The following ZC3H13 variants were observed in gnomAD, a reference collection of about 807,000 sequenced individuals.
ZC3H13 encodes zinc finger CCCH domain-containing protein 13.
Under a neutral mutation model 204.1 loss-of-function variants are expected in ZC3H13, and 64 were observed. The observed-to-expected ratio is 0.31, with a 90% CI of 0.26 to 0.39. ZC3H13 has a LOEUF of 0.39. Among genes scored for constraint, ZC3H13 ranks in the 10% least tolerant of loss-of-function variants. The pLI, the probability that ZC3H13 is intolerant of heterozygous loss-of-function variation, is 1.00. For synonymous variants in ZC3H13, 667 were observed against 693.7 expected, an observed-to-expected ratio of 0.96 and a Z score of 0.60; for missense variants, 1,833 against 2,082.7, an observed-to-expected ratio of 0.88 and a Z score of 2.33.
At chr13:46,026,763 A>G (rs897779398) in intron 4 of ZC3H13, among the ~76,000 whole-genome samples, 1 of 152,196 alleles carries the variant, frequency 6.6e-6, no homozygotes, top group Non-Finnish European at 1.5e-5. Flanking sequence ...TAACTGTCAT[A>G]GTTTGACATA....
intron 3 of ZC3H13, among the ~76,000 whole-genome samples, chr13:46,042,859 T>C (rs921421329): frequency 2.0e-5 from 3 of 152,028 alleles, no homozygotes; most frequent in Admixed American, 6.5e-5. Context: ...TTAAAATTTA[T>C]CTTAAATTTT....
rs767757824 is a variant in ZC3H13 at position 45,975,542 on chromosome 13, G to T, written c.2209C>A (p.Arg737=). The T allele has an allele frequency of 6.3e-7, 1 of 1,590,356 alleles. No homozygotes were observed. The highest frequency in any genetic ancestry group is 1.4e-5 in the African/African-American group (1 of 72,238). The change falls in exon 12 of 19, where the codon CGG becomes AGG. Residue 737 remains arginine (R), a synonymous_variant. Transcript: ENST00000679008. ...RDRDRDHDRE[R]ERERERDREK... is the part of the protein sequence containing the mutation. ...CTGTCTCGTTCCCTCTCTCTTTCCC[G>T]CTCTCGATCGTGGTCTCGGTCTCTA...
rs540884675 is a variant in ZC3H13, at chr13:45,988,680, T to C, written c.1255+107A>G. 919 of 1,253,334 alleles carry C rather than the reference T, an allele frequency of 7.3e-4. 1 individual carries two copies. The highest frequency in any genetic ancestry group is 9.4e-4 in the Non-Finnish European group (856 of 912,388). The allele number at this position is 1,253,334 out of a possible 1,614,324, so 77.6% of individuals were successfully genotyped here. Reference sequence around the variant, plus strand: ...TATTGCCCTCAAAAATTCTAGTCTGTGTGTTACAGAAGACTTAACATAGCA... The same window carrying C: ...TATTGCCCTCAAAAATTCTAGTCTGCGTGTTACAGAAGACTTAACATAGCA... On this transcript the variant is annotated intron_variant, in intron 9 of 18. Coordinates refer to ENST00000679008, the MANE Select transcript of ZC3H13 (RefSeq NM_001330564.2).
intron 7 of ZC3H13, 151 bp from the exon 8 acceptor site, chr13:46,003,487 A>T (rs1001201763): frequency 3.0e-6 from 2 of 656,688 alleles, no homozygotes; most frequent in Admixed American, 7.4e-5. Flanking sequence ...AAAAAAACTA[A>T]CAGAAATGGC....
At chr13:46,034,341 T>C (rs776179679) in intron 4 of ZC3H13, among the ~76,000 whole-genome samples, 4 of 152,238 alleles carry the variant, frequency 2.6e-5, no homozygotes, top group Non-Finnish European at 4.4e-5. Flanking sequence ...CACATGTTGA[T>C]AGCAGCTTTA....
intron 5 of ZC3H13, among the ~76,000 whole-genome samples, chr13:46,013,997 T>C (rs1440823332): frequency 6.6e-6 from 1 of 152,138 alleles, no homozygotes; most frequent in Non-Finnish European, 1.5e-5. Context: ...GGAGCCATTT[T>C]TTCTAATTAT....
chr13:46,013,452 G>T (rs2032441371), intron 5 of ZC3H13, among the ~76,000 whole-genome samples: 1 of 151,646 alleles, frequency 6.6e-6, no homozygotes, highest in African/African-American at 2.4e-5. Flanking sequence ...TCTAGTCAAT[G>T]TAGTAAATAT....
At position 46,045,026 on chromosome 13, in the gene ZC3H13, G is replaced by A; in HGVS notation, c.156C>T (p.Leu52=). ...CRNWLKTGNC[L]YGNTCRFVHG... is the part of the protein sequence containing the mutation. ...GTACGAATCTACATGTGTTTCCATA[G>A]AGGCAGTTGCCAGTCTTCAGCCAGT... is the stretch of plus-strand genomic sequence containing the variant. The change falls in exon 3 of 19, where the codon CTC becomes CTT. Residue 52 remains leucine, a synonymous_variant. Transcript: ENST00000679008. 2 of 1,613,588 alleles carry A rather than the reference G, an allele frequency of 1.2e-6. No homozygotes were observed. The highest frequency in any genetic ancestry group is 1.3e-5 in the African/African-American group (1 of 74,976).
chr13:46,016,741 A>T (rs964129614), intron 5 of ZC3H13, among the ~76,000 whole-genome samples: 1 of 152,320 alleles, frequency 6.6e-6, no homozygotes, highest in Non-Finnish European at 1.5e-5. Context: ...ATACTTCAGT[A>T]GAAAAACTTT....
intron 4 of ZC3H13, among the ~76,000 whole-genome samples, chr13:46,041,295 A>G (rs755845965): frequency 1.3e-5 from 2 of 152,170 alleles, no homozygotes; most frequent in Admixed American, 1.3e-4. Context: ...ACGAACCTTG[A>G]AAAGGTATGC....
intron 8 of ZC3H13, among the ~76,000 whole-genome samples, chr13:45,999,744 T>C (rs531594166): frequency 6.6e-6 from 1 of 152,332 alleles, no homozygotes; most frequent in Admixed American, 6.5e-5. Flanking sequence ...ATCCTTTCCA[T>C]AAAGTTTTCA....
intron 4 of ZC3H13, among the ~76,000 whole-genome samples, chr13:46,028,737 T>A (rs2042695573): frequency 6.6e-6 from 1 of 152,162 alleles, no homozygotes. Context: ...AAAAAAATTT[T>A]TAAAATATTT....
At chr13:45,963,565 G>T in intron 17 of ZC3H13, 1 of 1,172,308 alleles carries the variant, frequency 8.5e-7, no homozygotes, top group Middle Eastern at 3.7e-4. Flanking sequence ...TGTGACTACA[G>T]ACATGCAACA....
At chr13:46,017,424 C>T (rs1222949537) in intron 5 of ZC3H13, among the ~76,000 whole-genome samples, 1 of 152,058 alleles carries the variant, frequency 6.6e-6, no homozygotes, top group African/African-American at 2.4e-5. Flanking sequence ...AGAAAATCTA[C>T]CTATCAACTA....
intron 9 of ZC3H13, among the ~76,000 whole-genome samples, 189 bp downstream of exon 9, chr13:45,988,598 T>C (rs557079803): frequency 6.6e-6 from 1 of 152,308 alleles, no homozygotes; most frequent in Admixed American, 6.5e-5. Flanking sequence ...AGTATACCTG[T>C]AAATACCAAC....
At position 45,957,114 on chromosome 13, in the gene ZC3H13, T is replaced by C. The variant is rs943496720; in HGVS notation, c.*13A>G. 1.4e-6 allele frequency: 2 copies of C among 1,466,760 alleles called. No individual in the cohort carries two copies. Among genetic ancestry groups the C allele is most frequent in the Admixed American group, 2.3e-5 (1 of 43,594 alleles). The allele number at this position is 1,466,760 out of a possible 1,614,324, so 90.9% of individuals were successfully genotyped here. ...GGAAGACAGTACCAAAAATACCATA[T>C]TGAACTTCGGTCTTAAGACACACAC... On this transcript the variant is annotated 3_prime_UTR_variant, in exon 19 of 19. Transcript: ENST00000679008.
chr13:45,994,666 G>A (rs1307905719), intron 8 of ZC3H13, among the ~76,000 whole-genome samples: 2 of 152,036 alleles, frequency 1.3e-5, no homozygotes, highest in African/African-American at 2.4e-5. Flanking sequence ...TAAGAGAATC[G>A]ATATTTAAAA....
Position 46,016,142 on chromosome 13 carries a change from C to G in ZC3H13, c.448+4307G>C, listed in dbSNP as rs979574318. 3.9e-5 allele frequency among the ~76,000 whole-genome samples: 6 copies of G among 152,240 alleles called. No homozygotes were observed. In the Middle Eastern group the frequency reaches 0.01, roughly 261 times the overall value. On this transcript the variant is annotated intron_variant, in intron 5 of 18. Coordinates refer to ENST00000679008, the MANE Select transcript of ZC3H13 (RefSeq NM_001330564.2). ...AAAAACACCGTATGGTTAACTGGAA[C>G]AACCATTTTTGATCTGAAATTATCT...
chr13:46,032,063 GA>G (rs886331295), intron 4 of ZC3H13, among the ~76,000 whole-genome samples: 1 of 152,064 alleles, frequency 6.6e-6, no homozygotes, highest in African/African-American at 2.4e-5. Context: ...CAGAATAGCC[GA>G]ACTTTACACT....
Sources: gnomAD v4.1 joint callset for allele counts (sites outside exome capture counted in the v4.1 genomes callset) on GRCh38, gnomAD v4.1.1 for gene constraint, MANE v1.5 for transcripts, NCBI Gene and HGNC (gene_info 2026-07-23, HGNC 2026-07-21) for gene names.